Variants in ABCC10 observed in about 807,000 individuals in gnomAD.
ABCC10 encodes ATP binding cassette subfamily C member 10.
Under a neutral mutation model 143.2 loss-of-function variants are expected in ABCC10, and 110 were observed. The ratio of observed to expected loss-of-function variants is 0.77; its 90% CI spans 0.66 to 0.90. The LOEUF (loss-of-function observed/expected upper bound fraction) is 0.90, where lower values mean the gene tolerates loss of function less well. ABCC10 is among the 40% of genes least tolerant of loss of function. ABCC10 has a pLI of 0.00. For missense variants in ABCC10, 1,700 were observed against 1,900.5 expected (o/e 0.89, Z 1.96); for synonymous variants, 805 against 846.7 (o/e 0.95, Z 0.85).
chr6:43,448,371 G>A (rs571325511), intron 18 of ABCC10, among the ~76,000 whole-genome samples: 4 of 152,164 alleles, frequency 2.6e-5, no homozygotes, highest in East Asian at 3.9e-4. Flanking sequence ...CTCTGAGTAC[G>A]GTGACATGGA....
intron 20 of ABCC10, 95 bp downstream of exon 20, chr6:43,449,299 A>G (rs1039088837): frequency 6.6e-7 from 1 of 1,516,828 alleles, no homozygotes; most frequent in Non-Finnish European, 9.0e-7. Flanking sequence ...TAGGGGACCA[A>G]GTTCATTTTC....
At chr6:43,440,979 T>G (rs935611637) in intron 8 of ABCC10, among the ~76,000 whole-genome samples, 1 of 151,166 alleles carries the variant, frequency 6.6e-6, no homozygotes, top group Non-Finnish European at 1.5e-5. Flanking sequence ...GGCTCACACC[T>G]GTAGTCCTAG....
At position 43,427,967 on chromosome 6, in the gene ABCC10, G is replaced by A; in HGVS notation, c.-11-1G>A. The A allele has an allele frequency of 6.2e-7, 1 of 1,612,190 alleles. No individual in the cohort carries two copies. The highest frequency in any genetic ancestry group is 8.5e-7 in the Non-Finnish European group (1 of 1,179,596). On this transcript the variant is annotated splice_acceptor_variant, in intron 1 of 21. Coordinates refer to ENST00000372530, the MANE Select transcript of ABCC10 (RefSeq NM_001198934.2). LOFTEE classifies it low-confidence loss of function (5UTR_SPLICE). ...GCCGTCACCCTCAACTTTCCCTTCA[G>A]GTGAGGCGTCCATGGAACGACTTCT...
intron 7 of ABCC10, 121 bp from the exon 8 acceptor site, chr6:43,438,503 A>T: frequency 6.8e-7 from 1 of 1,463,676 alleles, no homozygotes; most frequent in Non-Finnish European, 9.0e-7. Flanking sequence ...CAGTCATGTG[A>T]CATGAAGGGG....
At chr6:43,442,165 C>G (rs1237414142) in intron 9 of ABCC10, 1 of 423,354 alleles carries the variant, frequency 2.4e-6, no homozygotes, top group East Asian at 4.6e-5. Flanking sequence ...TATTTGTAGG[C>G]TGGGCATGGT....
intron 17 of ABCC10, 117 bp downstream of exon 17, chr6:43,447,525 T>C (rs1581789875): frequency 2.6e-6 from 4 of 1,553,744 alleles, no homozygotes; most frequent in South Asian, 2.5e-5. Flanking sequence ...CCTCTCTTCA[T>C]GATGACCACA....
intron 2 of ABCC10, among the ~76,000 whole-genome samples, chr6:43,430,429 T>A (rs1781001999): frequency 6.6e-6 from 1 of 151,956 alleles, no homozygotes; most frequent in Non-Finnish European, 1.5e-5. Context: ...TTTATTCCCA[T>A]CTAAATCCCT....
chr6:43,432,693 G>C lies in ABCC10; in HGVS notation c.713G>C (p.Cys238Ser), dbSNP rs201934618. The C allele has an allele frequency of 6.2e-7, 1 of 1,614,078 alleles. No individual in the cohort carries two copies. The highest frequency in any genetic ancestry group is 1.7e-5 in the Admixed American group (1 of 60,032). ...WLAPLLARGACGELRQPQDIC... is the reference protein window; with the variant it reads ...WLAPLLARGASGELRQPQDIC... ...GCACCCTTGCTGGCCCGTGGGGCCT[G>C]TGGAGAGCTCCGGCAGCCTCAGGAC... The change falls in exon 3 of 22, where the codon TGT becomes TCT. Residue 238 changes from cysteine (C) to serine (S), a missense_variant. By Grantham distance (112) the Cys-to-Ser change is moderately radical. Coordinates refer to ENST00000372530, the MANE Select transcript of ABCC10 (RefSeq NM_001198934.2).
intron 2 of ABCC10, among the ~76,000 whole-genome samples, chr6:43,431,549 T>TG (rs1781120497): frequency 6.6e-6 from 1 of 151,702 alleles, no homozygotes. Flanking sequence ...TTGGTAAAGA[T>TG]GGGGGTTTCA....
At chr6:43,449,885 G>A (rs1222670066) in intron 21 of ABCC10, 44 bp from the exon 22 acceptor site, 3 of 1,609,248 alleles carry the variant, frequency 1.9e-6, no homozygotes, top group Non-Finnish European at 2.5e-6. Flanking sequence ...CTTACTTAGG[G>A]CATTGTCCCT....
intron 18 of ABCC10, chr6:43,448,255 G>A: frequency 8.4e-6 from 4 of 475,826 alleles, no homozygotes; most frequent in Admixed American, 2.9e-5. Context: ...TCAGCAGGCA[G>A]TGCTTCAGAC....
At position 43,448,874 on chromosome 6, in the gene ABCC10, C is replaced by G; in HGVS notation, c.3960-7C>G. The G allele has an allele frequency of 6.2e-7, 1 of 1,604,962 alleles. No individual in the cohort carries two copies. The stretch of plus-strand genomic sequence containing the variant: ...CAACCACTAGACTCCATGTCATTGT[C>G]CCCCAGATCCCAGTTGGCTATCATC... On this transcript the variant is annotated splice_polypyrimidine_tract_variant and splice_region_variant and intron_variant, in intron 18 of 21. Coordinates refer to ENST00000372530, the MANE Select transcript of ABCC10 (RefSeq NM_001198934.2).
At chr6:43,435,527 G>A (rs1242437071) in intron 4 of ABCC10, among the ~76,000 whole-genome samples, 4 of 151,374 alleles carry the variant, frequency 2.6e-5, no homozygotes, top group Non-Finnish European at 2.9e-5. Context: ...AGCAAGACTC[G>A]TCAAGAAAAA....
chr6:43,449,286 T>G, intron 20 of ABCC10, 82 bp downstream of exon 20: 2 of 1,526,256 alleles, frequency 1.3e-6, no homozygotes, highest in Non-Finnish European at 1.8e-6. Context: ...TGGGGAGAGG[T>G]TTTAGGGGAC....
At chr6:43,429,330 T>A (rs9472047) in intron 2 of ABCC10, among the ~76,000 whole-genome samples, 3,009 of 151,242 alleles carry the variant, frequency 0.02, 51 homozygotes, top group South Asian at 0.043. Context: ...ATATATATAT[T>A]TTTTTCTTTT....
Position 43,443,918 on chromosome 6 carries a change from C to T in ABCC10, c.2417-15C>T, listed in dbSNP as rs1259659732. 1 of 1,607,410 alleles carries T rather than the reference C, an allele frequency of 6.2e-7. No individual in the cohort carries two copies. The highest frequency in any genetic ancestry group is 1.3e-5 in the African/African-American group (1 of 74,894). ...TCAGAACAGTCCTCTCCCAATCTCC[C>T]CTTCTACCCTCCAGGACCTCCCTCT... On this transcript the variant is annotated splice_polypyrimidine_tract_variant and intron_variant, in intron 10 of 21. Coordinates refer to ENST00000372530, the MANE Select transcript of ABCC10 (RefSeq NM_001198934.2). This position sits in a 1 kb window ranked among gnomAD's most constrained non-coding sequence, Gnocchi z 4.2.
downstream of ABCC10, chr6:43,451,879 T>C (rs534603317): frequency 6.3e-7 from 1 of 1,599,148 alleles, no homozygotes; most frequent in East Asian, 2.2e-5. The surrounding 1 kb of genome is among the most constrained non-coding windows in gnomAD (Gnocchi z 4.4). Flanking sequence ...CTGCCTCTTT[T>C]CTCATCCCAT....
At position 43,438,028 on chromosome 6, in the gene ABCC10, A is replaced by G. The variant is rs1219065881; in HGVS notation, c.1955+15A>G. The G allele has an allele frequency of 2.5e-6, 4 of 1,608,724 alleles. No individual in the cohort carries two copies. The highest frequency in any genetic ancestry group is 2.7e-5 in the African/African-American group (2 of 74,858). On this transcript the variant is annotated intron_variant, in intron 7 of 21. Coordinates refer to ENST00000372530, the MANE Select transcript of ABCC10 (RefSeq NM_001198934.2). Reference sequence around the variant, plus strand: ...GAGCTCCACAGGTAACCAACCTCCTATGCACCCCTGTCCTTACTTTGTCCT... The same window carrying G: ...GAGCTCCACAGGTAACCAACCTCCTGTGCACCCCTGTCCTTACTTTGTCCT...
Position 43,443,006 on chromosome 6 carries a change from G to A in ABCC10, c.2263G>A (p.Ala755Thr), listed in dbSNP as rs761988294. The change falls in exon 10 of 22, where the codon GCT (alanine) becomes ACT (threonine). Residue 755 changes from alanine (A) to threonine (T), a missense_variant. Ala to Thr is a moderately conservative substitution (Grantham distance 58). Transcript: ENST00000372530. The surrounding 1 kb of genome is among the most constrained non-coding windows in gnomAD (Gnocchi z 4.2). ...ELYLLDDPLA[A>T]VDADVANHLL... is the part of the protein sequence containing the mutation. ...CTATCTCCTCGATGACCCTCTGGCC[G>A]CTGTGGATGCAGATGTGGCCAACCA... 1.9e-5 allele frequency: 31 copies of A among 1,607,804 alleles called. No individual in the cohort carries two copies. The highest frequency in any genetic ancestry group is 6.7e-5 in the South Asian group (6 of 90,188).
Sources: gnomAD v4.1 joint callset for allele counts (sites outside exome capture counted in the v4.1 genomes callset) on GRCh38, gnomAD v4.1.1 for gene constraint, Gnocchi (gnomAD v3.1) non-coding constraint, MANE v1.5 for transcripts, NCBI Gene and HGNC (gene_info 2026-07-23, HGNC 2026-07-21) for gene names.